Variants in TSPEAR observed in about 807,000 individuals in gnomAD.
TSPEAR encodes the protein thrombospondin type laminin G domain and EAR repeats.
In TSPEAR, 69 loss-of-function variants were observed where a neutral mutation model predicts 71.6. The observed-to-expected ratio is 0.96, with a 90% confidence interval of 0.79 to 1.18. The LOEUF is 1.18. Ranked by LOEUF, TSPEAR falls within the 50% of genes most tolerant of loss-of-function variation. The pLI, the probability that TSPEAR is intolerant of heterozygous loss-of-function variation, is 0.00. For synonymous variants in TSPEAR, 402 were observed against 387.2 expected (o/e 1.04, Z -0.45); for missense variants, 971 against 894.9 (o/e 1.09, Z -1.09).
At chr21:44,677,402 AG>A (rs1555947074) in intron 1 of TSPEAR, 1 of 1,174,654 alleles carries the variant, frequency 8.5e-7, no homozygotes, top group Admixed American at 1.7e-5. Flanking sequence ...CAGTGTTCTG[AG>A]CTGCAATCGC....
intron 1 of TSPEAR, among the ~76,000 whole-genome samples, chr21:44,691,228 A>G (rs1199815387): frequency 6.6e-6 from 1 of 152,164 alleles, no homozygotes; most frequent in Non-Finnish European, 1.5e-5. Flanking sequence ...AAGCTCTAAG[A>G]GATTACGGAA....
At chr21:44,551,207 G>A (rs1407549360) in intron 2 of TSPEAR, 10 of 1,586,474 alleles carry the variant, frequency 6.3e-6, no homozygotes, top group Non-Finnish European at 8.7e-6. Context: ...CCGGCTGGCA[G>A]CTAGACTGCT....
intron 8 of TSPEAR, among the ~76,000 whole-genome samples, chr21:44,525,286 G>C (rs144891382): frequency 1.3e-5 from 2 of 152,120 alleles, no homozygotes; most frequent in Non-Finnish European, 2.9e-5. Flanking sequence ...AGGTAATTTA[G>C]TCAATCAGTC....
intron 1 of TSPEAR, among the ~76,000 whole-genome samples, chr21:44,651,921 G>A (rs56066521): frequency 0.015 from 2,270 of 151,968 alleles, 57 homozygotes; most frequent in African/African-American, 0.052. Context: ...ACTATAGACC[G>A]AGGCCTATAT....
chr21:44,593,731 G>A lies in TSPEAR; in HGVS notation c.83-25726C>T, dbSNP rs1438957273. On this transcript the variant is annotated intron_variant, in intron 1 of 11. Transcript: ENST00000323084. The surrounding 1 kb of genome is among the most constrained non-coding windows in gnomAD (Gnocchi z 5.9). The stretch of plus-strand genomic sequence containing the variant: ...CAGGACCTCAGGCCGCGCCAGGCAA[G>A]GGACAAGCCGCGTGCCCTACACTGA... Among the ~76,000 whole-genome samples the A allele has an allele frequency of 6.6e-6, 1 of 152,226 alleles. No homozygotes were observed. The highest frequency in any genetic ancestry group is 2.4e-5 in the African/African-American group (1 of 41,466).
At chr21:44,611,322 T>C (rs1349138238) in intron 1 of TSPEAR, among the ~76,000 whole-genome samples, 25 of 152,152 alleles carry the variant, frequency 1.6e-4, no homozygotes, top group Admixed American at 1.5e-3. Context: ...GGTCTTTTCC[T>C]GTGCTATTCT....
At chr21:44,658,707 C>T (rs1342181471) in intron 1 of TSPEAR, among the ~76,000 whole-genome samples, 1 of 152,084 alleles carries the variant, frequency 6.6e-6, no homozygotes, top group African/African-American at 2.4e-5. Context: ...CCGACTCCCT[C>T]CCCAAGCCTT....
At position 44,623,157 on chromosome 21, in the gene TSPEAR, T is replaced by C. The variant is rs1189426634; in HGVS notation, c.83-55152A>G. 1.3e-5 allele frequency among the ~76,000 whole-genome samples: 2 copies of C among 152,156 alleles called. No homozygotes were observed. Among genetic ancestry groups the C allele is most frequent in the Non-Finnish European group, 2.9e-5 (2 of 68,032 alleles). ...GTCTTATAAATTACCCAGTCTCAAATATTTCTTTATAGCAATGCGAGACCA... is the reference window on the plus strand; with the variant it reads ...GTCTTATAAATTACCCAGTCTCAAACATTTCTTTATAGCAATGCGAGACCA... On this transcript the variant is annotated intron_variant, in intron 1 of 11. Transcript: ENST00000323084. This position sits in a 1 kb window ranked among gnomAD's most constrained non-coding sequence, Gnocchi z 4.5.
intron 1 of TSPEAR, among the ~76,000 whole-genome samples, chr21:44,692,711 G>T (rs957503691): frequency 6.6e-6 from 1 of 152,094 alleles, no homozygotes. Context: ...AATTAAAGAA[G>T]ACCTAAATAA....
intron 2 of TSPEAR, among the ~76,000 whole-genome samples, chr21:44,562,322 A>T (rs1348394188): frequency 6.6e-6 from 1 of 152,174 alleles, no homozygotes; most frequent in Non-Finnish European, 1.5e-5. Context: ...CTGCTCAAGG[A>T]AATAAGAGAG....
chr21:44,673,111 T>C (rs1986140449), intron 1 of TSPEAR, among the ~76,000 whole-genome samples: 1 of 152,086 alleles, frequency 6.6e-6, no homozygotes, highest in Non-Finnish European at 1.5e-5. Context: ...AGTCAAACTG[T>C]CAAAAGTCAA....
At chr21:44,514,173 C>T (rs141272550) in intron 9 of TSPEAR, among the ~76,000 whole-genome samples, 63 of 152,302 alleles carry the variant, frequency 4.1e-4, no homozygotes, top group Non-Finnish European at 7.5e-4. Context: ...CAGTGCTGAC[C>T]CCTCATGCCA....
chr21:44,663,411 A>T (rs114630967), intron 1 of TSPEAR, among the ~76,000 whole-genome samples: 2,074 of 152,202 alleles, frequency 0.014, 50 homozygotes, highest in African/African-American at 0.046. Context: ...ATTCCAGAGA[A>T]GTAGGTAGCC....
At chr21:44,569,005 A>T (rs587733848) in intron 1 of TSPEAR, among the ~76,000 whole-genome samples, 1 of 152,250 alleles carries the variant, frequency 6.6e-6, no homozygotes, top group East Asian at 1.9e-4. Context: ...AAACATCTCA[A>T]GCAGAGGCCT....
chr21:44,706,155 C>T (rs933311285), intron 1 of TSPEAR, among the ~76,000 whole-genome samples: 20 of 152,348 alleles, frequency 1.3e-4, no homozygotes, highest in African/African-American at 4.6e-4. Context: ...CCAGTGCCCA[C>T]CAACCGGCGG....
At chr21:44,595,941 A>G (rs1373000996) in intron 1 of TSPEAR, among the ~76,000 whole-genome samples, 2 of 152,094 alleles carry the variant, frequency 1.3e-5, no homozygotes, top group Non-Finnish European at 2.9e-5. Context: ...TTCATTTTCT[A>G]TTGCTGTGGA....
At chr21:44,584,647 G>T (rs1555925506) in intron 1 of TSPEAR, among the ~76,000 whole-genome samples, 1 of 152,016 alleles carries the variant, frequency 6.6e-6, no homozygotes, top group Non-Finnish European at 1.5e-5. Flanking sequence ...TCCTGGTTTT[G>T]GCATCAGGGT....
intron 1 of TSPEAR, among the ~76,000 whole-genome samples, chr21:44,665,971 C>A (rs1489485860): frequency 6.6e-6 from 1 of 152,144 alleles, no homozygotes; most frequent in African/African-American, 2.4e-5. Flanking sequence ...CTACCACAGG[C>A]GGGTAAGTCA....
intron 1 of TSPEAR, among the ~76,000 whole-genome samples, chr21:44,587,736 C>A (rs1979431870): frequency 6.6e-6 from 1 of 152,146 alleles, no homozygotes; most frequent in East Asian, 1.9e-4. Context: ...TTACCGCCGA[C>A]TGATCTTTGA....
Sources: gnomAD v4.1 joint callset for allele counts (sites outside exome capture counted in the v4.1 genomes callset) on GRCh38, gnomAD v4.1.1 for gene constraint, Gnocchi (gnomAD v3.1) non-coding constraint, MANE v1.5 for transcripts, NCBI Gene and HGNC (gene_info 2026-07-23, HGNC 2026-07-21) for gene names.